The following ITGA8 variants were observed in gnomAD, a reference collection of about 807,000 sequenced individuals.
ITGA8 encodes the protein integrin subunit alpha 8.
A neutral mutation model predicts 142.3 loss-of-function variants in ITGA8; 91 were observed. The observed-to-expected ratio is 0.64, with a 90% CI of 0.54 to 0.76. The LOEUF (loss-of-function observed/expected upper bound fraction) is 0.76. Ranked by LOEUF, ITGA8 falls within the 30% of genes least tolerant of loss-of-function variation. The pLI, the probability that ITGA8 is intolerant of heterozygous loss-of-function variation, is 0.00. For synonymous variants in ITGA8, 505 were observed against 485.2 expected (o/e 1.04, Z -0.54); for missense variants, 1,406 against 1,327.7 (o/e 1.06, Z -0.92).
chr10:15,709,197 G>T (rs1835318025), intron 2 of ITGA8, among the ~76,000 whole-genome samples: 1 of 152,210 alleles, frequency 6.6e-6, no homozygotes, highest in Non-Finnish European at 1.5e-5. Context: ...AACCTTTTCT[G>T]TTCATTTTCG....
rs770123624 is a variant in ITGA8 at position 15,693,403 on chromosome 10, TACTC to T, written c.344-5369_344-5366del. ...GACTGTTTAAAGAATAAATTATACA[TACTC>T]AATCTTAACCTAAAATTTACATTTT... On this transcript the variant is annotated intron_variant, in intron 2 of 29. Coordinates refer to ENST00000378076, the MANE Select transcript of ITGA8 (RefSeq NM_003638.3). 2.0e-5 allele frequency among the ~76,000 whole-genome samples: 3 copies of T among 152,224 alleles called. No homozygotes were observed. In the East Asian group the frequency reaches 5.8e-4, roughly 29 times the overall value.
At chr10:15,715,705 G>A (rs1835437693) in intron 2 of ITGA8, among the ~76,000 whole-genome samples, 1 of 152,236 alleles carries the variant, frequency 6.6e-6, no homozygotes, top group African/African-American at 2.4e-5. Context: ...AGCCAGTGAT[G>A]TCTGTTTCCA....
rs529064911 is a variant in ITGA8, at chr10:15,545,751, G to A, written c.2880+2704C>T. Among the ~76,000 whole-genome samples the A allele has an allele frequency of 1.4e-4, 21 of 151,988 alleles. No homozygotes were observed. In the South Asian group the frequency reaches 4.4e-3, roughly 32 times the overall value. ...TTAAAATTCAGTATTGTGTGCCTGA[G>A]ATTCATCCATGCCAATGTGTCTAAT... On this transcript the variant is annotated intron_variant, in intron 27 of 29. Coordinates refer to ENST00000378076, the MANE Select transcript of ITGA8 (RefSeq NM_003638.3).
intron 11 of ITGA8, among the ~76,000 whole-genome samples, chr10:15,652,283 T>G (rs1372738486): frequency 6.6e-6 from 1 of 152,232 alleles, no homozygotes; most frequent in African/African-American, 2.4e-5. Context: ...CTGCAGGGCA[T>G]AAGGCGAAGC....
intron 25 of ITGA8, among the ~76,000 whole-genome samples, chr10:15,567,171 A>C (rs1011932241): frequency 2.0e-5 from 3 of 151,484 alleles, no homozygotes; most frequent in African/African-American, 7.3e-5. Flanking sequence ...AAAAAGAAGA[A>C]AAAAATAGAA....
chr10:15,714,701 A>G lies in ITGA8; in HGVS notation c.343+4065T>C, dbSNP rs144365724. Among the ~76,000 whole-genome samples the G allele has an allele frequency of 1.5e-4, 23 of 152,332 alleles. No homozygotes were observed. In the East Asian group the frequency reaches 3.5e-3, roughly 23 times the overall value. ...AAATAAAATAAATAATGATTATTTC[A>G]TGAAAAAAAACCTGAAAGGCAGTTT... On this transcript the variant is annotated intron_variant, in intron 2 of 29. Transcript: ENST00000378076.
intron 21 of ITGA8, chr10:15,596,624 CA>C (rs1336600743): frequency 2.0e-5 from 3 of 152,586 alleles, no homozygotes; most frequent in Non-Finnish European, 4.4e-5. Flanking sequence ...CATAAAAGAG[CA>C]AAAATATCAT....
chr10:15,584,825 G>A (rs1231290629), intron 23 of ITGA8, among the ~76,000 whole-genome samples: 1 of 152,166 alleles, frequency 6.6e-6, no homozygotes, highest in Non-Finnish European at 1.5e-5. Flanking sequence ...GGAGGCTGAG[G>A]TAGGCAGATT....
intron 7 of ITGA8, among the ~76,000 whole-genome samples, chr10:15,672,330 C>T (rs1172469602): frequency 4.6e-5 from 7 of 152,186 alleles, no homozygotes; most frequent in Admixed American, 3.9e-4. Context: ...ATCATCCTGT[C>T]CCTGTCACAC....
intron 26 of ITGA8, among the ~76,000 whole-genome samples, chr10:15,549,707 C>A (rs1010783720): frequency 9.9e-5 from 15 of 152,090 alleles, no homozygotes; most frequent in Admixed American, 1.3e-4. Flanking sequence ...CAATAAAAAT[C>A]AATGTATTGG....
At chr10:15,565,638 G>A (rs1177318143) in intron 25 of ITGA8, among the ~76,000 whole-genome samples, 1 of 119,820 alleles carries the variant, frequency 8.3e-6, no homozygotes, top group Non-Finnish European at 1.6e-5. Context: ...TACTCAGACT[G>A]GAGTGTAGTG....
chr10:15,709,358 C>A (rs112912067), intron 2 of ITGA8, among the ~76,000 whole-genome samples: 74 of 152,296 alleles, frequency 4.9e-4, no homozygotes, highest in African/African-American at 1.7e-3. Flanking sequence ...AACAGACACA[C>A]CTTTACAGAA....
chr10:15,558,093 T>C lies in ITGA8; in HGVS notation c.2747A>G (p.Gln916Arg), dbSNP rs1253981951. ...ACTCACCAGTATTTTTGCAGGGCTC[T>C]GTCTGTGGAATTCGACCACATGTAC... The part of the protein sequence containing the change: ...RDVHVVEFHR[Q>R]SPAKILNCTN... The change falls in exon 26 of 30, where the codon CAG (glutamine) becomes CGG (arginine). Residue 916 changes from glutamine (Q) to arginine (R), a missense_variant. By Grantham distance (43) the Gln-to-Arg change is conservative. Transcript: ENST00000378076. 3 of 1,614,146 alleles carry C rather than the reference T, an allele frequency of 1.9e-6. No individual in the cohort carries two copies. The highest frequency in any genetic ancestry group is 2.5e-6 in the Non-Finnish European group (3 of 1,180,038).
intron 23 of ITGA8, among the ~76,000 whole-genome samples, chr10:15,577,484 G>A (rs894603682): frequency 6.6e-6 from 1 of 152,028 alleles, no homozygotes; most frequent in African/African-American, 2.4e-5. Flanking sequence ...TAGTGAAGAC[G>A]ACTTAAACTT....
At chr10:15,605,544 C>A (rs1833179091) in intron 19 of ITGA8, among the ~76,000 whole-genome samples, 180 bp downstream of exon 19, 1 of 152,138 alleles carries the variant, frequency 6.6e-6, no homozygotes, top group African/African-American at 2.4e-5. Flanking sequence ...TGTCATTTGA[C>A]ACCAATGACA....
At chr10:15,589,841 C>A (rs1229459558) in intron 22 of ITGA8, among the ~76,000 whole-genome samples, 1 of 150,214 alleles carries the variant, frequency 6.7e-6, no homozygotes, top group Non-Finnish European at 1.5e-5. Flanking sequence ...TGACTCGCTG[C>A]AACCTCTGCC....
At chr10:15,688,461 ACT>A (rs1414065608) in intron 2 of ITGA8, among the ~76,000 whole-genome samples, 2 of 152,154 alleles carry the variant, frequency 1.3e-5, no homozygotes, top group Non-Finnish European at 1.5e-5. Flanking sequence ...ACAAAGTAAG[ACT>A]CTGTCTCAAA....
intron 26 of ITGA8, 75 bp from the exon 27 acceptor site, chr10:15,548,643 C>T: frequency 1.2e-6 from 1 of 861,910 alleles, no homozygotes; most frequent in East Asian, 2.7e-5. Context: ...AGCTTATTTA[C>T]ATTTCATTTC....
chr10:15,559,869 G>A (rs1188355030), intron 25 of ITGA8, among the ~76,000 whole-genome samples: 1 of 152,110 alleles, frequency 6.6e-6, no homozygotes, highest in Non-Finnish European at 1.5e-5. Flanking sequence ...AATAGCTAAT[G>A]CATGTTGGGC....
Sources: allele counts gnomAD v4.1 joint callset (sites outside exome capture counted in the v4.1 genomes callset), GRCh38; gene constraint gnomAD v4.1.1; transcripts MANE v1.5; gene names NCBI Gene and HGNC (gene_info 2026-07-23, HGNC 2026-07-21).